Variants in HAPSTR1 observed in about 807,000 individuals in gnomAD.
HAPSTR1 encodes HUWE1-associated protein modifying stress responses 1.
the HAPSTR1 span, chr16:9,117,660 C>T: frequency 2.0e-5 from 3 of 152,570 alleles, no homozygotes; most frequent in African/African-American, 4.8e-5. Flanking sequence ...CACTACTTCC[C>T]ATGCGGGGTA....
the HAPSTR1 span, chr16:9,110,463 A>C: frequency 6.6e-6 from 1 of 152,144 alleles, no homozygotes; most frequent in Non-Finnish European, 1.5e-5. Context: ...TCCTCCTCCA[A>C]GTGCAGATTT....
the HAPSTR1 span, among the ~76,000 whole-genome samples, chr16:9,101,796 C>G: frequency 6.6e-6 from 1 of 150,444 alleles, no homozygotes; most frequent in African/African-American, 2.4e-5. Flanking sequence ...TATTGCCCAT[C>G]CTTTGAGAGT....
At chr16:9,101,684 C>T in the HAPSTR1 span, among the ~76,000 whole-genome samples, 1 of 150,394 alleles carries the variant, frequency 6.6e-6, no homozygotes, top group African/African-American at 2.4e-5. Flanking sequence ...GTGCTTCCCT[C>T]TTGCCATTTT....
the HAPSTR1 span, chr16:9,109,606 A>T: frequency 6.6e-6 from 1 of 152,208 alleles, no homozygotes; most frequent in Admixed American, 6.5e-5. Context: ...GGCCTCTAGC[A>T]TGCAGGGTCT....
At chr16:9,116,986 GA>G in the HAPSTR1 span, 1 of 1,566,830 alleles carries the variant, frequency 6.4e-7, no homozygotes, top group African/African-American at 1.4e-5. Flanking sequence ...AATTGCAAAG[GA>G]AACATGAGGC....
At chr16:9,102,138 A>C in the HAPSTR1 span, among the ~76,000 whole-genome samples, 1 of 152,312 alleles carries the variant, frequency 6.6e-6, no homozygotes, top group South Asian at 2.1e-4. Context: ...AAATAATCAA[A>C]GCCGGGAAAA....
chr16:9,120,147 A>G, the HAPSTR1 span: 1 of 152,202 alleles, frequency 6.6e-6, no homozygotes. Flanking sequence ...TGAGGTATTT[A>G]GTCATGGTGA....
the HAPSTR1 span, chr16:9,106,119 T>A: frequency 6.6e-6 from 1 of 152,182 alleles, no homozygotes; most frequent in Non-Finnish European, 1.5e-5. Context: ...ATCAAAAGTA[T>A]ATCAATTGGC....
At chr16:9,093,150 T>C in the HAPSTR1 span, 2 of 799,698 alleles carry the variant, frequency 2.5e-6, no homozygotes, top group African/African-American at 3.5e-5. Flanking sequence ...GTGCTCTAGC[T>C]AGATCCACCG....
At chr16:9,102,633 G>A in the HAPSTR1 span, among the ~76,000 whole-genome samples, 1 of 152,196 alleles carries the variant, frequency 6.6e-6, no homozygotes, top group African/African-American at 2.4e-5. Flanking sequence ...ATGCAGATGA[G>A]CGTGGCCTGA....
the HAPSTR1 span, among the ~76,000 whole-genome samples, chr16:9,114,860 T>C: frequency 6.6e-6 from 1 of 152,198 alleles, no homozygotes; most frequent in Non-Finnish European, 1.5e-5. Context: ...ATAGGTGTCA[T>C]AGGAAGTAAT....
chr16:9,099,419 C>T, the HAPSTR1 span, among the ~76,000 whole-genome samples: 7 of 152,158 alleles, frequency 4.6e-5, no homozygotes, highest in East Asian at 1.9e-4. Flanking sequence ...TCTCGAACTC[C>T]TGGCTTCAAG....
chr16:9,091,900 C>T, the HAPSTR1 span: 1 of 586,766 alleles, frequency 1.7e-6, no homozygotes, highest in African/African-American at 2.0e-5. Flanking sequence ...CGTCGGGGTG[C>T]AGGAGGCCTG....
chr16:9,095,863 G>C, the HAPSTR1 span, among the ~76,000 whole-genome samples: 1 of 149,230 alleles, frequency 6.7e-6, no homozygotes, highest in East Asian at 1.9e-4. Context: ...TTCCAAAAAA[G>C]GAAGGAAGCC....
chr16:9,092,310 C>A, the HAPSTR1 span: 1 of 1,434,416 alleles, frequency 7.0e-7, no homozygotes, highest in Non-Finnish European at 9.2e-7. Flanking sequence ...CTTGGCCGCC[C>A]CCGCCCGGGC....
At chr16:9,103,274 A>G in the HAPSTR1 span, 1 of 1,602,334 alleles carries the variant, frequency 6.2e-7, no homozygotes. Context: ...AGCCGTTTAA[A>G]CATATTTCTT....
chr16:9,118,743 G>A, the HAPSTR1 span: 4 of 152,504 alleles, frequency 2.6e-5, no homozygotes, highest in Admixed American at 6.5e-5. Context: ...TTTTTCTATC[G>A]TAAATTTAGA....
At chr16:9,091,890 C>T in the HAPSTR1 span, 1 of 514,576 alleles carries the variant, frequency 1.9e-6, no homozygotes, top group Non-Finnish European at 3.0e-6. Flanking sequence ...GCTCGCCGGC[C>T]GTCGGGGTGC....
the HAPSTR1 span, chr16:9,103,478 C>G: frequency 3.0e-5 from 16 of 526,342 alleles, no homozygotes; most frequent in Non-Finnish European, 5.0e-5. Flanking sequence ...TTAGTTTGAG[C>G]TTATTGGTGT....
Sources: gnomAD v4.1 joint callset for allele counts (sites outside exome capture counted in the v4.1 genomes callset) on GRCh38, gnomAD v4.1.1 for gene constraint, MANE v1.5 for transcripts, NCBI Gene and HGNC (gene_info 2026-07-23, HGNC 2026-07-21) for gene names.